Variants in ARID1B observed in about 807,000 individuals in gnomAD.
ARID1B encodes the protein AT-rich interaction domain 1B, also known as AT-rich interactive domain-containing protein 1B.
In ARID1B, 30 loss-of-function variants were observed where a neutral mutation model predicts 212.3. That is an observed-to-expected ratio of 0.14 (90% CI 0.11 to 0.19). The LOEUF (loss-of-function observed/expected upper bound fraction) is 0.19, where lower values mean the gene tolerates loss of function less well. Ranked by LOEUF, ARID1B falls within the 10% of genes least tolerant of loss-of-function variation. The pLI is 1.00. For synonymous variants in ARID1B, 1,402 were observed against 1,301.7 expected (o/e 1.08, Z -1.66); for missense variants, 2,891 against 3,204.0 (o/e 0.90, Z 2.36).
chr6:156,852,226 T>C (rs914398809), intron 2 of ARID1B, among the ~76,000 whole-genome samples: 2 of 152,044 alleles, frequency 1.3e-5, no homozygotes, highest in Non-Finnish European at 2.9e-5. Flanking sequence ...GGTGGGAGGA[T>C]TGCCTGAGGC....
Position 157,181,024 on chromosome 6 carries a change from G to A in ARID1B, c.3560G>A (p.Gly1187Glu), listed in dbSNP as rs771373121. 6.2e-7 allele frequency: 1 copy of A among 1,614,088 alleles called. No individual in the cohort carries two copies. The highest frequency in any genetic ancestry group is 8.5e-7 in the Non-Finnish European group (1 of 1,180,020). ...AAGATCACGAAGGTGTACGAGCTGG[G>A]GAATGAGCCAGAGAGAAAGCTCTGG... ...GEKITKVYELGNEPERKLWVD... is the reference protein window; with the variant it reads ...GEKITKVYELENEPERKLWVD... Residue 1187 changes from glycine to glutamate, a missense_variant, in exon 12 of 20, where the codon GGG becomes GAG. Physicochemically the swap from Gly to Glu is moderately conservative, Grantham distance 98. This residue lies in a region of ARID1B where 666 missense variants were observed against 873.5 expected (regional missense o/e 0.76). Transcript: ENST00000636930.
chr6:156,869,084 A>T (rs1785924210), intron 2 of ARID1B, among the ~76,000 whole-genome samples: 1 of 152,238 alleles, frequency 6.6e-6, no homozygotes, highest in Admixed American at 6.5e-5. Context: ...TTTCTTGGTC[A>T]TCAGTTGAAA....
intron 4 of ARID1B, among the ~76,000 whole-genome samples, chr6:156,945,046 C>T (rs1350352930): frequency 2.0e-5 from 3 of 150,684 alleles, no homozygotes; most frequent in East Asian, 1.9e-4. Context: ...CCTCAGCCTC[C>T]CGAGTAGCTG....
chr6:156,883,250 T>C (rs1787244435), intron 2 of ARID1B, among the ~76,000 whole-genome samples: 1 of 152,206 alleles, frequency 6.6e-6, no homozygotes, highest in African/African-American at 2.4e-5. Flanking sequence ...GTAGTAGTTA[T>C]AATTTCTTCT....
intron 2 of ARID1B, among the ~76,000 whole-genome samples, chr6:156,899,859 ATTT>A (rs1419655972): frequency 3.3e-5 from 5 of 152,238 alleles, no homozygotes; most frequent in African/African-American, 1.2e-4. Flanking sequence ...CTTTACAGTC[ATTT>A]TAACACTGGC....
rs1042243314 is a variant in ARID1B, at chr6:157,208,929, G to A, written c.*1038G>A. Reference sequence around the variant, plus strand: ...TTTCTGTATGTATAAAGTCATGCTCGATTTCAGGAGAGCAGCTGATCACAA... The same window carrying A: ...TTTCTGTATGTATAAAGTCATGCTCAATTTCAGGAGAGCAGCTGATCACAA... On this transcript the variant is annotated 3_prime_UTR_variant, in exon 20 of 20. Transcript: ENST00000636930. The A allele has an allele frequency of 2.2e-5, 5 of 228,560 alleles. No homozygotes were observed. Among genetic ancestry groups the A allele is most frequent in the South Asian group, 3.7e-4 (2 of 5,456 alleles). 14.2% of individuals were successfully genotyped at this position (228,560 alleles called of 1,614,324 possible).
At chr6:157,068,734 A>G (rs1008969665) in intron 4 of ARID1B, among the ~76,000 whole-genome samples, 2 of 152,240 alleles carry the variant, frequency 1.3e-5, no homozygotes, top group African/African-American at 2.4e-5. Flanking sequence ...GCATTTAACT[A>G]GAGACATACA....
At chr6:156,803,627 T>C (rs1158821283) in intron 1 of ARID1B, among the ~76,000 whole-genome samples, 1 of 151,810 alleles carries the variant, frequency 6.6e-6, no homozygotes. Context: ...CATTTTATCT[T>C]TTTCTCTTTT....
At chr6:157,186,434 G>A (rs143824340) in intron 13 of ARID1B, 194 of 471,110 alleles carry the variant, frequency 4.1e-4, no homozygotes, top group African/African-American at 2.7e-3. Flanking sequence ...CCCCGAGAGC[G>A]CGTGCAGGGG....
intron 4 of ARID1B, among the ~76,000 whole-genome samples, chr6:157,027,686 TAA>T (rs768072804): frequency 2.0e-5 from 3 of 152,242 alleles, no homozygotes; most frequent in Non-Finnish European, 2.9e-5. Context: ...ACCTAATCAA[TAA>T]AGTCATCTTT....
At chr6:157,025,429 G>A (rs1780597916) in intron 4 of ARID1B, among the ~76,000 whole-genome samples, 1 of 152,152 alleles carries the variant, frequency 6.6e-6, no homozygotes, top group African/African-American at 2.4e-5. Flanking sequence ...GAACATTCTT[G>A]TTACCTTAAC....
chr6:157,127,923 C>G (rs1011906112), intron 6 of ARID1B, among the ~76,000 whole-genome samples: 1 of 149,660 alleles, frequency 6.7e-6, no homozygotes, highest in Non-Finnish European at 1.5e-5. Flanking sequence ...GAGTGCTCCA[C>G]TGCACTCCAG....
chr6:157,078,660 G>A (rs1287955766), intron 4 of ARID1B, among the ~76,000 whole-genome samples: 2 of 152,162 alleles, frequency 1.3e-5, no homozygotes, highest in Non-Finnish European at 2.9e-5. Context: ...TTCCATATCA[G>A]GAGTTTTAAC....
chr6:156,805,994 A>G (rs1437665740), intron 1 of ARID1B, among the ~76,000 whole-genome samples: 1 of 152,226 alleles, frequency 6.6e-6, no homozygotes, highest in East Asian at 1.9e-4. Flanking sequence ...TCAGCTTTGA[A>G]ACCCTGTAAT....
At chr6:156,814,552 GTTATA>G (rs1221481455) in intron 1 of ARID1B, among the ~76,000 whole-genome samples, 1 of 152,214 alleles carries the variant, frequency 6.6e-6, no homozygotes, top group Non-Finnish European at 1.5e-5. Flanking sequence ...TATTCTGGAA[GTTATA>G]TTATGCCTTT....
intron 1 of ARID1B, among the ~76,000 whole-genome samples, chr6:156,812,023 C>G (rs115037954): frequency 6.6e-6 from 1 of 152,186 alleles, no homozygotes; most frequent in Non-Finnish European, 1.5e-5. Context: ...GATTTTTGTT[C>G]GCATTGGTTG....
intron 4 of ARID1B, among the ~76,000 whole-genome samples, chr6:157,058,008 T>G (rs1208738249): frequency 6.6e-6 from 1 of 152,182 alleles, no homozygotes; most frequent in East Asian, 1.9e-4. Flanking sequence ...CACCCGTTTT[T>G]GGGAACTCAT....
rs1161658435 is a variant in ARID1B, at chr6:157,203,790, T to G, written c.5264-76T>G. 6.4e-7 allele frequency: 1 copy of G among 1,551,064 alleles called. No homozygotes were observed. The highest frequency in any genetic ancestry group is 1.4e-5 in the African/African-American group (1 of 73,324). ...AACTTAACACTCCACTTATTTTTTC[T>G]TACTCTTTCGTTAACTTTCGTTCTT... On this transcript the variant is annotated intron_variant, in intron 18 of 19. Coordinates refer to ENST00000636930, the MANE Select transcript of ARID1B (RefSeq NM_001374828.1). The surrounding 1 kb of genome is among the most constrained non-coding windows in gnomAD (Gnocchi z 4.4).
chr6:156,967,528 GGAGA>G (rs74925130), intron 4 of ARID1B, among the ~76,000 whole-genome samples: 6,637 of 152,188 alleles, frequency 0.044, 163 homozygotes, highest in Middle Eastern at 0.065. Context: ...AGAGGAGGAG[GGAGA>G]GAATGTGTGT....
Sources: gnomAD v4.1 joint callset for allele counts (sites outside exome capture counted in the v4.1 genomes callset) on GRCh38, gnomAD v4.1.1 for gene constraint, gnomAD v4.1.1 regional missense constraint, Gnocchi (gnomAD v3.1) non-coding constraint, MANE v1.5 for transcripts, NCBI Gene and HGNC (gene_info 2026-07-23, HGNC 2026-07-21) for gene names.